Variants in AVEN observed in about 807,000 individuals in gnomAD.
AVEN encodes cell death regulator Aven.
A neutral mutation model predicts 38.1 loss-of-function variants in AVEN; 41 were observed. That is an observed-to-expected ratio of 1.08 (90% CI 0.84 to 1.40). AVEN has a LOEUF of 1.40. Ranked by LOEUF, AVEN falls within the 40% of genes most tolerant of loss-of-function variation. The probability of loss-of-function intolerance (pLI) is 0.00; values close to 1 mark genes in which losing one functional copy is unlikely to be tolerated. For missense variants in AVEN, 605 were observed against 438.8 expected, an observed-to-expected ratio of 1.38 and a Z score of -3.38; for synonymous variants, 206 against 171.8, an observed-to-expected ratio of 1.20 and a Z score of -1.56.
rs758534979 is a variant in AVEN, at chr15:34,003,095, C to A, written c.382G>T (p.Val128Phe). The change falls in exon 2 of 6, where the codon GTC becomes TTC. Residue 128 changes from valine (V) to phenylalanine (F), a missense_variant. By Grantham distance (50) the Val-to-Phe change is conservative. Transcript: ENST00000306730. ...TGTGACTCTCCACTTTCATTATTGA[C>A]CTCTTTTTCAATATCTTGATATCGA... The part of the protein sequence containing the change: ...WDRYQDIEKE[V>F]NNESGESQRG... 1.9e-6 allele frequency: 3 copies of A among 1,613,782 alleles called. No homozygotes were observed. In the African/African-American group the frequency reaches 4.0e-5, roughly 22 times the overall value.
chr15:34,034,757 G>A lies in AVEN; in HGVS notation c.267+4023C>T, dbSNP rs574613588. 2.0e-5 allele frequency among the ~76,000 whole-genome samples: 3 copies of A among 152,324 alleles called. No homozygotes were observed. In the East Asian group the frequency reaches 5.8e-4, roughly 29 times the overall value. On this transcript the variant is annotated intron_variant, in intron 1 of 5. Coordinates refer to ENST00000306730, the MANE Select transcript of AVEN (RefSeq NM_020371.3). The stretch of plus-strand genomic sequence containing the variant: ...ATAAGGATGCCAAAATAATTACAGT[G>A]TGTGTGCAATGGTTTGCAGCAGGAG...
downstream of AVEN, chr15:33,857,696 C>T: frequency 1.3e-6 from 2 of 1,549,228 alleles, 1 homozygote. Flanking sequence ...CACTCTTCCT[C>T]CTCGTTTTCT....
intron 2 of AVEN, among the ~76,000 whole-genome samples, chr15:33,933,542 G>C (rs1481278790): frequency 0.01 from 1,175 of 115,304 alleles, 12 homozygotes; most frequent in African/African-American, 0.048. Flanking sequence ...GAGAGAGAGA[G>C]AGAGAGAGAG....
downstream of AVEN, among the ~76,000 whole-genome samples, chr15:33,857,375 C>A (rs1270061651): frequency 1.3e-5 from 2 of 151,676 alleles, no homozygotes; most frequent in African/African-American, 4.9e-5. Flanking sequence ...TCTCCAACTC[C>A]TTTTCTTCTA....
In AVEN at chr15:33,962,408, C is replaced by A. The variant is rs538316979; in HGVS notation, c.445+40624G>T. Among the ~76,000 whole-genome samples, 71 of 152,262 alleles carry A rather than the reference C, an allele frequency of 4.7e-4. No individual in the cohort carries two copies. The South Asian group carries it at 5.0e-3, about 11-fold the overall frequency. ...TATTGCATCTCCAGCCACAGTTACTCAAGCCAGAGTTCTCAGGGTCATTCT... is the reference window on the plus strand; with the variant it reads ...TATTGCATCTCCAGCCACAGTTACTAAAGCCAGAGTTCTCAGGGTCATTCT... On this transcript the variant is annotated intron_variant, in intron 2 of 5. Coordinates refer to ENST00000306730, the MANE Select transcript of AVEN (RefSeq NM_020371.3).
chr15:33,981,602 C>G (rs1393605169), intron 2 of AVEN, among the ~76,000 whole-genome samples: 1 of 152,156 alleles, frequency 6.6e-6, no homozygotes, highest in Non-Finnish European at 1.5e-5. Context: ...ATGCATACCA[C>G]AGGGGGCGAG....
intron 1 of AVEN, among the ~76,000 whole-genome samples, chr15:34,005,975 T>C (rs1186816938): frequency 6.6e-6 from 1 of 152,166 alleles, no homozygotes; most frequent in Non-Finnish European, 1.5e-5. Context: ...AGAGATATAA[T>C]AGAATCTGCT....
chr15:33,868,013 G>A lies in AVEN; in HGVS notation c.613-158C>T, dbSNP rs148668649. On this transcript the variant is annotated intron_variant, in intron 4 of 5. Transcript: ENST00000306730. ...GGCTCCTTTCCAGGCCCTGGTGGGG[G>A]CACCCTTCCTGACATCTGGGGTAAA... Among the ~76,000 whole-genome samples the A allele has an allele frequency of 6.4e-3, 979 of 152,280 alleles. 12 individuals are homozygous for A. The highest frequency in any genetic ancestry group is 0.022 in the African/African-American group (931 of 41,560).
chr15:33,995,971 TCCG>T lies in AVEN; in HGVS notation c.445+7058_445+7060del, dbSNP rs1413636391. On this transcript the variant is annotated intron_variant, in intron 2 of 5. Transcript: ENST00000306730. ...ACTGTACCTGGAAAATCTGGACACTTCCGCCCAAATACTGCGCTTTTCCAACAG... is the reference window on the plus strand; with the variant it reads ...ACTGTACCTGGAAAATCTGGACACTTCCCAAATACTGCGCTTTTCCAACAG... 2.0e-5 allele frequency among the ~76,000 whole-genome samples: 3 copies of T among 152,210 alleles called. No individual in the cohort carries two copies. The East Asian group carries it at 5.8e-4, about 29-fold the overall frequency.
In AVEN at chr15:33,950,496, A is replaced by G. The variant is rs1209170924; in HGVS notation, c.445+52536T>C. 4.6e-5 allele frequency among the ~76,000 whole-genome samples: 7 copies of G among 152,190 alleles called. No individual in the cohort carries two copies. In the East Asian group the frequency reaches 1.4e-3, roughly 29 times the overall value. On this transcript the variant is annotated intron_variant, in intron 2 of 5. Coordinates refer to ENST00000306730, the MANE Select transcript of AVEN (RefSeq NM_020371.3). ...ATGTCAACTATACCTCAATAAGCTG[A>G]GAGGAAAAAAAGAAAGACATCAAGG...
chr15:34,032,183 G>A (rs951993989), intron 1 of AVEN, among the ~76,000 whole-genome samples: 6 of 152,126 alleles, frequency 3.9e-5, no homozygotes, highest in African/African-American at 1.4e-4. Context: ...AGTGCATCAA[G>A]AAATAGTGAC....
chr15:33,969,065 G>C (rs527861516), intron 2 of AVEN: 1 of 152,140 alleles, frequency 6.6e-6, no homozygotes, highest in South Asian at 2.1e-4. Flanking sequence ...AACATGAAAG[G>C]AAAGTAGAGA....
downstream of AVEN, chr15:33,854,573 C>T (rs530976276): frequency 1.1e-3 from 1,150 of 1,046,288 alleles, 21 homozygotes; most frequent in South Asian, 0.016. Context: ...GAGCCTTATA[C>T]GTGCTGGGGG....
intron 2 of AVEN, among the ~76,000 whole-genome samples, chr15:33,900,232 G>C (rs150208593): frequency 6.6e-6 from 1 of 151,856 alleles, no homozygotes; most frequent in African/African-American, 2.4e-5. Context: ...GCCACATTAT[G>C]TCTAAATGTT....
At chr15:33,921,884 A>G (rs1893408542) in intron 2 of AVEN, among the ~76,000 whole-genome samples, 1 of 152,152 alleles carries the variant, frequency 6.6e-6, no homozygotes, top group African/African-American at 2.4e-5. Flanking sequence ...ATTGGGAAAA[A>G]ATGGTTAGCA....
chr15:33,938,993 C>G (rs1242229809), intron 2 of AVEN, among the ~76,000 whole-genome samples: 1 of 152,182 alleles, frequency 6.6e-6, no homozygotes, highest in Non-Finnish European at 1.5e-5. Flanking sequence ...AGGTGCCCAC[C>G]ATTACGCCCG....
chr15:34,002,675 C>T (rs866077470), intron 2 of AVEN, among the ~76,000 whole-genome samples: 31 of 152,228 alleles, frequency 2.0e-4, no homozygotes, highest in Middle Eastern at 3.4e-3. Flanking sequence ...ATTCTAGAAA[C>T]TTTATAATGC....
chr15:34,058,216 T>C (rs964924529), intron 5 of AVEN, among the ~76,000 whole-genome samples: 14 of 152,306 alleles, frequency 9.2e-5, no homozygotes, highest in African/African-American at 3.1e-4. Context: ...GTATTAATCA[T>C]ATCTGAAAAT....
At chr15:33,858,585 G>GAGAGCAAAGTCCCATCGTCTCTCAGAAC (rs1328602101), downstream of AVEN, 2 of 153,628 alleles carry the variant, frequency 1.3e-5, no homozygotes, top group Non-Finnish European at 2.9e-5. Context: ...TCTCAGAACA[G>GAGAGCAAAGTCCCATCGTCTCTCAGAAC]AGAGCAAAGT....
Sources: allele counts gnomAD v4.1 joint callset (sites outside exome capture counted in the v4.1 genomes callset), GRCh38; gene constraint gnomAD v4.1.1; transcripts MANE v1.5; gene names NCBI Gene and HGNC (gene_info 2026-07-23, HGNC 2026-07-21).